The following TRIO variants were observed in gnomAD, a reference collection of about 807,000 sequenced individuals.
The protein encoded by TRIO is trio Rho guanine nucleotide exchange factor.
TRIO carries 58 observed loss-of-function variants against 351.9 expected under a neutral mutation model. That is an observed-to-expected ratio of 0.16 (90% CI 0.13 to 0.21). The LOEUF (loss-of-function observed/expected upper bound fraction) is 0.21. Ranked by LOEUF, TRIO falls within the 10% of genes least tolerant of loss-of-function variation. The pLI, the probability that TRIO is intolerant of heterozygous loss-of-function variation, is 1.00. For synonymous variants in TRIO, 1,758 were observed against 1,595.7 expected (o/e 1.10, Z -2.42); for missense variants, 3,201 against 4,027.8 (o/e 0.79, Z 5.56).
At chr5:14,328,378 G>A (rs1740595464) in intron 9 of TRIO, among the ~76,000 whole-genome samples, 2 of 152,094 alleles carry the variant, frequency 1.3e-5, no homozygotes, top group East Asian at 3.9e-4. Context: ...TTAAAGTAAT[G>A]TGCACTCAAT....
rs1787312670 is a variant in TRIO, at chr5:14,143,700, G to GCGCGGC, written c.-20_-15dup. 5 of 973,556 alleles carry GCGCGGC rather than the reference G, an allele frequency of 5.1e-6. No homozygotes were observed. The South Asian group carries it at 1.4e-4, about 28-fold the overall frequency. 60.3% of individuals were successfully genotyped at this position (973,556 alleles called of 1,614,324 possible). The stretch of plus-strand genomic sequence containing the variant: ...GCTAGGGGCGCGGGGCCCGAGGCGG[G>GCGCGGC]CGCGGCCGCGGGCGCCGCCGCAGCC... On this transcript the variant is annotated 5_prime_UTR_variant, in exon 1 of 57. Coordinates refer to ENST00000344204, the MANE Select transcript of TRIO (RefSeq NM_007118.4).
chr5:14,335,793 C>T (rs1293325447), intron 10 of TRIO, among the ~76,000 whole-genome samples: 3 of 151,996 alleles, frequency 2.0e-5, no homozygotes, highest in African/African-American at 7.2e-5. Context: ...TGCAAACCCC[C>T]ATCTCTCCTA....
At chr5:14,452,995 G>A (rs1221611174) in intron 34 of TRIO, among the ~76,000 whole-genome samples, 1 of 152,052 alleles carries the variant, frequency 6.6e-6, no homozygotes, top group Non-Finnish European at 1.5e-5. Context: ...CGTGTTTTGT[G>A]TGTTCACATG....
In TRIO at chr5:14,479,489, CT is replaced by C. The variant is rs1755355244; in HGVS notation, c.6243+142del. ...TGAGTGATAAGACTTCTGAACCTTT[CT>C]TTCTTTCCTGTAAATCAGAGAAATG... On this transcript the variant is annotated intron_variant, in intron 42 of 56. Transcript: ENST00000344204. 1.9e-5 allele frequency: 13 copies of C among 695,728 alleles called. No homozygotes were observed. The South Asian group carries it at 2.7e-4, about 14-fold the overall frequency. The allele number at this position is 695,728 out of a possible 1,614,324, so 43.1% of individuals were successfully genotyped here. A position where few individuals can be genotyped will look rare whatever the true frequency, so the allele number is the denominator to read the frequency against.
intron 20 of TRIO, among the ~76,000 whole-genome samples, chr5:14,378,606 C>T (rs1745778640): frequency 6.6e-6 from 1 of 151,426 alleles, no homozygotes; most frequent in South Asian, 2.1e-4. Flanking sequence ...GTTGTCCAGG[C>T]TGGAGTGCAA....
intron 2 of TRIO, among the ~76,000 whole-genome samples, chr5:14,277,561 G>A (rs1735644237): frequency 6.6e-6 from 1 of 152,192 alleles, no homozygotes; most frequent in African/African-American, 2.4e-5. Flanking sequence ...GTGGCTTACG[G>A]TTGATAACAC....
intron 33 of TRIO, among the ~76,000 whole-genome samples, chr5:14,413,272 C>G (rs576326325): frequency 6.6e-6 from 1 of 152,206 alleles, no homozygotes; most frequent in African/African-American, 2.4e-5. Context: ...CTGCAAAATT[C>G]TGTGTGTGGA....
chr5:14,432,581 G>GC (rs1561484844), intron 34 of TRIO, among the ~76,000 whole-genome samples: 1 of 152,158 alleles, frequency 6.6e-6, no homozygotes, highest in Non-Finnish European at 1.5e-5. Context: ...GCATTCCACT[G>GC]CCCAGAGAAG....
At chr5:14,448,910 A>G (rs930601494) in intron 34 of TRIO, among the ~76,000 whole-genome samples, 1 of 152,206 alleles carries the variant, frequency 6.6e-6, no homozygotes, top group East Asian at 1.9e-4. Context: ...TTTTGGTTAC[A>G]GAAAAAGCAT....
intron 21 of TRIO, among the ~76,000 whole-genome samples, chr5:14,382,441 C>T (rs537234104): frequency 2.0e-5 from 3 of 152,336 alleles, no homozygotes; most frequent in South Asian, 2.1e-4. Flanking sequence ...CGGCTCCTAT[C>T]CTGGAGGCTC....
At chr5:14,193,644 T>C (rs954431694) in intron 1 of TRIO, among the ~76,000 whole-genome samples, 5 of 152,222 alleles carry the variant, frequency 3.3e-5, no homozygotes, top group African/African-American at 1.2e-4. Context: ...TAGGCAGCCA[T>C]GTGGTTGGCA....
At position 14,479,820 on chromosome 5, in the gene TRIO, T is replaced by C. The variant is rs1222307290; in HGVS notation, c.6244-99T>C. The C allele has an allele frequency of 2.8e-6, 3 of 1,073,174 alleles. No homozygotes were observed. In the Admixed American group the frequency reaches 6.7e-5, roughly 24 times the overall value. The allele number at this position is 1,073,174 out of a possible 1,614,324, so 66.5% of individuals were successfully genotyped here. A position where few individuals can be genotyped will look rare whatever the true frequency, so the allele number is the denominator to read the frequency against. On this transcript the variant is annotated intron_variant, in intron 42 of 56. Transcript: ENST00000344204. Reference sequence around the variant, plus strand: ...CTAGTGCTTTTTTTCCTCGTTACTTTTACTGCCAGTGTTGTAGTCTTTCTG... The same window carrying C: ...CTAGTGCTTTTTTTCCTCGTTACTTCTACTGCCAGTGTTGTAGTCTTTCTG...
At position 14,507,113 on chromosome 5, in the gene TRIO, C is replaced by T. The variant is rs1481128228; in HGVS notation, c.8613-9C>T. 19 of 1,569,650 alleles carry T rather than the reference C, an allele frequency of 1.2e-5. No individual in the cohort carries two copies. The highest frequency in any genetic ancestry group is 1.5e-5 in the Non-Finnish European group (17 of 1,160,932). ...GCATCATAACAGTCACCCGCTCCTG[C>T]CTCTTTAGGGCTGACCAGGGTCGCC... On this transcript the variant is annotated splice_polypyrimidine_tract_variant and intron_variant, in intron 55 of 56. Transcript: ENST00000344204.
rs1388026349 is a variant in TRIO, at chr5:14,238,466, C to T, written c.158-32359C>T. ...AGCATTCGCAGCCTCCAGGGCTCCA[C>T]CAGCCCATGTGGGCCCTCCTGGGTC... On this transcript the variant is annotated intron_variant, in intron 1 of 56. Coordinates refer to ENST00000344204, the MANE Select transcript of TRIO (RefSeq NM_007118.4). Among the ~76,000 whole-genome samples, 3 of 152,232 alleles carry T rather than the reference C, an allele frequency of 2.0e-5. No individual in the cohort carries two copies. The East Asian group carries it at 5.8e-4, about 29-fold the overall frequency.
intron 1 of TRIO, among the ~76,000 whole-genome samples, chr5:14,203,219 A>G (rs1448474831): frequency 2.0e-5 from 3 of 152,022 alleles, no homozygotes; most frequent in Non-Finnish European, 4.4e-5. Context: ...GGATTTTTCC[A>G]AAGAATGTCC....
intron 9 of TRIO, among the ~76,000 whole-genome samples, chr5:14,328,592 G>A (rs531218197): frequency 6.6e-6 from 1 of 152,236 alleles, no homozygotes; most frequent in Non-Finnish European, 1.5e-5. Flanking sequence ...AATATGTACA[G>A]CCTGTGCCGT....
chr5:14,401,517 G>A (rs889353938), intron 31 of TRIO, among the ~76,000 whole-genome samples: 1 of 152,208 alleles, frequency 6.6e-6, no homozygotes, highest in African/African-American at 2.4e-5. Flanking sequence ...AGAGTCCTCA[G>A]CTCTGTGGCT....
At position 14,143,820 on chromosome 5, in the gene TRIO, C is replaced by G. The variant is rs1321401363; in HGVS notation, c.95C>G (p.Ala32Gly). Residue 32 changes from alanine (A) to glycine (G), a missense_variant, in exon 1 of 57, where the codon GCC (alanine) becomes GGC (glycine). Physicochemically the swap from Ala to Gly is moderately conservative, Grantham distance 60 (BLOSUM62 0). Coordinates refer to ENST00000344204, the MANE Select transcript of TRIO (RefSeq NM_007118.4). ...SAAGSGCGGGAGEGAEEAAKD... is the reference protein window; with the variant it reads ...SAAGSGCGGGGGEGAEEAAKD... ...GCTGGCTCGGGCTGCGGGGGCGGTG[C>G]CGGCGAGGGGGCAGAGGAGGCGGCC... The G allele has an allele frequency of 1.9e-6, 2 of 1,062,810 alleles. No individual in the cohort carries two copies. Among genetic ancestry groups the G allele is most frequent in the Non-Finnish European group, 2.3e-6 (2 of 881,736 alleles). The allele number at this position is 1,062,810 out of a possible 1,614,324, so 65.8% of individuals were successfully genotyped here. A position where few individuals can be genotyped will look rare whatever the true frequency, so the allele number is the denominator to read the frequency against.
Position 14,492,808 on chromosome 5 carries a change from C to T in TRIO, c.7874C>T (p.Thr2625Ile), listed in dbSNP as rs375286965. The change falls in exon 49 of 57, where the codon ACT (threonine) becomes ATT (isoleucine). Residue 2625 changes from threonine to isoleucine, a missense_variant. By Grantham distance (89) the Thr-to-Ile change is moderately conservative. Coordinates refer to ENST00000344204, the MANE Select transcript of TRIO (RefSeq NM_007118.4). ...SAVIVENPDG[T>I]LKKSTSWHTA... ...GTCATCGTGGAGAACCCGGACGGGACTCTCAAGTGAGTGCTTGACAGTAAC... is the reference window on the plus strand; with the variant it reads ...GTCATCGTGGAGAACCCGGACGGGATTCTCAAGTGAGTGCTTGACAGTAAC... 9 of 1,613,464 alleles carry T rather than the reference C, an allele frequency of 5.6e-6. No homozygotes were observed. Among genetic ancestry groups the T allele is most frequent in the Non-Finnish European group, 7.6e-6 (9 of 1,179,780 alleles).
Sources: allele counts gnomAD v4.1 joint callset (sites outside exome capture counted in the v4.1 genomes callset), GRCh38; gene constraint gnomAD v4.1.1; transcripts MANE v1.5; gene names NCBI Gene and HGNC (gene_info 2026-07-23, HGNC 2026-07-21).